Variants in ANKRD33B observed in about 807,000 individuals in gnomAD.
ANKRD33B encodes the protein ankyrin repeat domain 33B.
In ANKRD33B, 6 loss-of-function variants were observed where a neutral mutation model predicts 21.5. The observed-to-expected ratio is 0.28, with a 90% confidence interval of 0.15 to 0.55. ANKRD33B has a LOEUF of 0.55. Ranked by LOEUF, ANKRD33B falls within the 20% of genes least tolerant of loss-of-function variation. The probability of loss-of-function intolerance (pLI) is 0.94; values close to 1 mark genes in which losing one functional copy is unlikely to be tolerated. For missense variants in ANKRD33B, 698 were observed against 747.2 expected (o/e 0.93, Z 0.77); for synonymous variants, 347 against 342.4 (o/e 1.01, Z -0.15).
chr5:10,573,714 G>A lies in ANKRD33B; in HGVS notation c.366+8881G>A, dbSNP rs574498941. ...GGCGGCATGAGAGAGTGAGAGTGAGGGGGGAAGTGCCACATTAAAACCATC... is the reference window on the plus strand; with the variant it reads ...GGCGGCATGAGAGAGTGAGAGTGAGAGGGGAAGTGCCACATTAAAACCATC... On this transcript the variant is annotated intron_variant, in intron 1 of 3. Transcript: ENST00000296657. Among the ~76,000 whole-genome samples, 7 of 152,214 alleles carry A rather than the reference G, an allele frequency of 4.6e-5. No individual in the cohort carries two copies. In the South Asian group the frequency reaches 1.0e-3, roughly 23 times the overall value.
intron 1 of ANKRD33B, among the ~76,000 whole-genome samples, chr5:10,591,256 C>T (rs1261776376): frequency 7.2e-6 from 1 of 138,100 alleles, no homozygotes; most frequent in Non-Finnish European, 1.5e-5. Context: ...GCAGTGGCAC[C>T]ATGTGGGCTC....
intron 1 of ANKRD33B, among the ~76,000 whole-genome samples, chr5:10,617,767 AG>A (rs2126581757): frequency 6.6e-6 from 1 of 152,264 alleles, no homozygotes; most frequent in African/African-American, 2.4e-5. Flanking sequence ...ACTCTGCTCT[AG>A]CCCTGCCGGC....
At chr5:10,627,936 C>T (rs1334422077) in intron 2 of ANKRD33B, 5 of 152,242 alleles carry the variant, frequency 3.3e-5, no homozygotes, top group African/African-American at 1.2e-4. Flanking sequence ...CCCTGCCTGC[C>T]CTGCAAAGAG....
intron 1 of ANKRD33B, among the ~76,000 whole-genome samples, chr5:10,590,389 C>A (rs1735654844): frequency 6.6e-6 from 1 of 152,190 alleles, no homozygotes; most frequent in South Asian, 2.1e-4. Context: ...TTTATAAGAT[C>A]TGGCCTCTTT....
At chr5:10,594,745 A>G (rs867930728) in intron 1 of ANKRD33B, among the ~76,000 whole-genome samples, 43 of 152,312 alleles carry the variant, frequency 2.8e-4, no homozygotes, top group Middle Eastern at 6.8e-3. Flanking sequence ...TCACTGATAC[A>G]TGTCAGGAAC....
At chr5:10,601,507 C>T (rs947728019) in intron 1 of ANKRD33B, among the ~76,000 whole-genome samples, 13 of 152,232 alleles carry the variant, frequency 8.5e-5, no homozygotes, top group East Asian at 1.9e-4. Context: ...GTCATCTGTG[C>T]TCCCACCATC....
chr5:10,585,826 A>G (rs1191319109), intron 1 of ANKRD33B, among the ~76,000 whole-genome samples: 1 of 152,242 alleles, frequency 6.6e-6, no homozygotes, highest in Non-Finnish European at 1.5e-5. Flanking sequence ...CTGTGGGTCC[A>G]GGGTCTGACA....
Position 10,603,489 on chromosome 5 carries a change from C to G in ANKRD33B, c.367-14844C>G, listed in dbSNP as rs567264910. Among the ~76,000 whole-genome samples the G allele has an allele frequency of 1.2e-4, 19 of 152,186 alleles. No individual in the cohort carries two copies. The South Asian group carries it at 3.9e-3, about 32-fold the overall frequency. ...TGTTGCCCAGGCTGGTCTTGAACTCCTGACCTCAGATGATCCACCTGCGTT... is the reference window on the plus strand; with the variant it reads ...TGTTGCCCAGGCTGGTCTTGAACTCGTGACCTCAGATGATCCACCTGCGTT... On this transcript the variant is annotated intron_variant, in intron 1 of 3. Transcript: ENST00000296657.
intron 3 of ANKRD33B, among the ~76,000 whole-genome samples, chr5:10,640,215 T>G (rs566271685): frequency 6.6e-6 from 1 of 152,280 alleles, no homozygotes; most frequent in South Asian, 2.1e-4. Flanking sequence ...TGGTGATGTG[T>G]GTGGCAATTT....
intron 1 of ANKRD33B, among the ~76,000 whole-genome samples, chr5:10,614,188 G>A (rs1284485476): frequency 6.6e-6 from 1 of 152,158 alleles, no homozygotes. Flanking sequence ...TCTTTCCAGG[G>A]TGTGGGGAGG....
rs185954865 is a variant in ANKRD33B at position 10,610,230 on chromosome 5, G to A, written c.367-8103G>A. Among the ~76,000 whole-genome samples the A allele has an allele frequency of 5.9e-5, 9 of 152,342 alleles. No individual in the cohort carries two copies. In the East Asian group the frequency reaches 1.7e-3, roughly 29 times the overall value. On this transcript the variant is annotated intron_variant, in intron 1 of 3. Coordinates refer to ENST00000296657, the MANE Select transcript of ANKRD33B (RefSeq NM_001164440.2). Reference sequence around the variant, plus strand: ...CGCTTTGGAGAGGACTTTGGCTCATGTTCTACCCCCAGCTTGTCCACTTAG... The same window carrying A: ...CGCTTTGGAGAGGACTTTGGCTCATATTCTACCCCCAGCTTGTCCACTTAG...
At chr5:10,586,485 C>CTGTGTG (rs55940283) in intron 1 of ANKRD33B, among the ~76,000 whole-genome samples, 74 of 140,504 alleles carry the variant, frequency 5.3e-4, no homozygotes, top group African/African-American at 1.5e-3. Flanking sequence ...GTTCTTGTAA[C>CTGTGTG]TGTGTGTGTG....
chr5:10,571,881 T>C (rs1735201647), intron 1 of ANKRD33B, among the ~76,000 whole-genome samples: 1 of 68,192 alleles, frequency 1.5e-5, no homozygotes, highest in African/African-American at 4.2e-5. Context: ...GGCATCCGTA[T>C]TTTCTTTTTT....
Position 10,657,264 on chromosome 5 carries a change from G to A in ANKRD33B, c.*7151G>A, listed in dbSNP as rs1392187475. ...GATGAACATTAAAAGCCAATGTACT[G>A]GAATTCTCTTTGTTCTGCCCGACAT... On this transcript the variant is annotated 3_prime_UTR_variant, in exon 4 of 4. Transcript: ENST00000296657. 6.6e-6 allele frequency: 1 copy of A among 152,340 alleles called. No individual in the cohort carries two copies. Among genetic ancestry groups the A allele is most frequent in the Non-Finnish European group, 1.5e-5 (1 of 68,036 alleles). The allele number at this position is 152,340 out of a possible 1,614,324, so 9.4% of individuals were successfully genotyped here.
At chr5:10,575,948 G>A (rs750573502) in intron 1 of ANKRD33B, among the ~76,000 whole-genome samples, 26 of 151,772 alleles carry the variant, frequency 1.7e-4, no homozygotes, top group Non-Finnish European at 2.6e-4. Context: ...AGGAAGCTAC[G>A]TGGGGGTTAA....
chr5:10,608,700 A>C (rs1736104234), intron 1 of ANKRD33B, among the ~76,000 whole-genome samples: 1 of 152,160 alleles, frequency 6.6e-6, no homozygotes, highest in Admixed American at 6.5e-5. Context: ...AATTAAATAC[A>C]GAGGAATATC....
chr5:10,590,751 C>G (rs1457759739), intron 1 of ANKRD33B, among the ~76,000 whole-genome samples: 1 of 152,072 alleles, frequency 6.6e-6, no homozygotes, highest in Non-Finnish European at 1.5e-5. Context: ...GTATGACCAA[C>G]TCTGCTTAGC....
In ANKRD33B at chr5:10,631,325, A is replaced by G. The variant is rs1736704298; in HGVS notation, c.497-6703A>G. Among the ~76,000 whole-genome samples, 4 of 152,176 alleles carry G rather than the reference A, an allele frequency of 2.6e-5. No homozygotes were observed. In the South Asian group the frequency reaches 8.3e-4, roughly 32 times the overall value. On this transcript the variant is annotated intron_variant, in intron 2 of 3. Transcript: ENST00000296657. ...GCAAGGAATGAGAGGTTGATGAGAA[A>G]CAGGAGGGATCTGATAAATATTCCA...
chr5:10,585,215 G>A (rs1386390519), intron 1 of ANKRD33B, among the ~76,000 whole-genome samples: 1 of 151,916 alleles, frequency 6.6e-6, no homozygotes, highest in Non-Finnish European at 1.5e-5. Flanking sequence ...AGTGGACACA[G>A]TCTTCCAGGG....
Sources: gnomAD v4.1 joint callset for allele counts (sites outside exome capture counted in the v4.1 genomes callset) on GRCh38, gnomAD v4.1.1 for gene constraint, MANE v1.5 for transcripts, NCBI Gene and HGNC (gene_info 2026-07-23, HGNC 2026-07-21) for gene names.